NMNAT3: variants seen among roughly 807,000 people sequenced by gnomAD.
NMNAT3 encodes nicotinamide/nicotinic acid mononucleotide adenylyltransferase 3.
Under a neutral mutation model 24.8 loss-of-function variants are expected in NMNAT3, and 21 were observed. That is an observed-to-expected ratio of 0.85 (90% CI 0.60 to 1.22). The LOEUF (loss-of-function observed/expected upper bound fraction) is 1.22, where lower values mean the gene tolerates loss of function less well. NMNAT3 is among the 50% of genes most tolerant of loss of function. NMNAT3 has a pLI of 0.00. For synonymous variants in NMNAT3, 136 were observed against 155.2 expected, an observed-to-expected ratio of 0.88 and a Z score of 0.92; for missense variants, 387 against 436.6, an observed-to-expected ratio of 0.89 and a Z score of 1.01.
At chr3:139,595,837 A>T (rs2054428256) in intron 3 of NMNAT3, among the ~76,000 whole-genome samples, 1 of 152,270 alleles carries the variant, frequency 6.6e-6, no homozygotes, top group Non-Finnish European at 1.5e-5. Flanking sequence ...GTTAAACGTT[A>T]GAGCTAAAAC....
At chr3:139,591,604 C>G (rs9875067) in intron 3 of NMNAT3, among the ~76,000 whole-genome samples, 20,488 of 151,454 alleles carry the variant, frequency 0.14, 1,890 homozygotes, top group Non-Finnish European at 0.21. Context: ...GGTTCTCCCA[C>G]CACGCAGCTG....
intron 3 of NMNAT3, among the ~76,000 whole-genome samples, chr3:139,594,458 T>A (rs2054350089): frequency 6.6e-6 from 1 of 152,168 alleles, no homozygotes; most frequent in South Asian, 2.1e-4. Context: ...CCTAACTCAG[T>A]TTATGAGGCC....
chr3:139,627,853 T>C, intron 2 of NMNAT3, 89 bp from the exon 4 acceptor site: 1 of 498,018 alleles, frequency 2.0e-6, no homozygotes, highest in African/African-American at 1.9e-5. Context: ...AGACCATTAC[T>C]TCTCACTTGT....
chr3:139,657,137 T>C (rs1469845295), intron 1 of NMNAT3, among the ~76,000 whole-genome samples: 1 of 152,190 alleles, frequency 6.6e-6, no homozygotes, highest in South Asian at 2.1e-4. Context: ...TTCAAGCTCC[T>C]GTAGTGAAGG....
Position 139,655,648 on chromosome 3 carries a change from T to A in NMNAT3, c.-140-17586A>T, listed in dbSNP as rs552153602. Among the ~76,000 whole-genome samples the A allele has an allele frequency of 2.0e-5, 3 of 152,298 alleles. No homozygotes were observed. In the East Asian group the frequency reaches 5.8e-4, roughly 29 times the overall value. ...AGATGAAGAAGAAGCATTTCTAAAT[T>A]ACTAAAGTGCCCGAGCCACAGAAGG... On this transcript the variant is annotated intron_variant, in intron 1 of 6. Coordinates refer to ENST00000643695, the MANE Select transcript of NMNAT3 (RefSeq NM_001320510.2).
intron 1 of NMNAT3, among the ~76,000 whole-genome samples, chr3:139,647,487 T>C (rs9873201): frequency 0.11 from 16,221 of 152,246 alleles, 960 homozygotes; most frequent in Non-Finnish European, 0.13. Context: ...TAAATGTTAC[T>C]TTACTTGGAA....
intron 1 of NMNAT3, among the ~76,000 whole-genome samples, chr3:139,646,521 C>T (rs2056877501): frequency 6.6e-6 from 1 of 152,170 alleles, no homozygotes; most frequent in Admixed American, 6.5e-5. Flanking sequence ...GAGCCACTCC[C>T]ATTTGCCCAC....
Position 139,620,820 on chromosome 3 carries a change from G to A in NMNAT3, c.109+6796C>T, listed in dbSNP as rs150703691. ...AGAAGGTCTGTAGGGGCAGAAATAC[G>A]CATGGAGCTGTCATCTATGACATTG... is the stretch of plus-strand genomic sequence containing the variant. On this transcript the variant is annotated intron_variant, in intron 3 of 6. Coordinates refer to ENST00000643695, the MANE Select transcript of NMNAT3 (RefSeq NM_001320510.2). 1.7e-3 allele frequency among the ~76,000 whole-genome samples: 252 copies of A among 152,176 alleles called. 2 individuals are homozygous for A. Among genetic ancestry groups the A allele is most frequent in the Admixed American group, 4.3e-3 (66 of 15,286 alleles).
At chr3:139,629,633 C>A (rs937463139) in intron 2 of NMNAT3, among the ~76,000 whole-genome samples, 1 of 152,174 alleles carries the variant, frequency 6.6e-6, no homozygotes, top group Admixed American at 6.5e-5. Flanking sequence ...TGCTCAGTCA[C>A]AGGAACCTGG....
chr3:139,667,467 T>G (rs955767144), intron 1 of NMNAT3, among the ~76,000 whole-genome samples: 2 of 152,232 alleles, frequency 1.3e-5, no homozygotes, highest in African/African-American at 4.8e-5. Flanking sequence ...TGGGCTTTTT[T>G]TTGCTATTGA....
chr3:139,655,619 C>A lies in NMNAT3; in HGVS notation c.-140-17557G>T, dbSNP rs549983998. 5.8e-4 allele frequency among the ~76,000 whole-genome samples: 64 copies of A among 110,648 alleles called. No homozygotes were observed. The Middle Eastern group carries it at 0.012, about 21-fold the overall frequency. 72.6% of individuals were successfully genotyped at this position (110,648 alleles called of 152,430 possible). On this transcript the variant is annotated intron_variant, in intron 1 of 6. Transcript: ENST00000643695. ...TTTTCTATTATAATTATTTTTACTTCTCTAGATGAAGAAGAAGCATTTCTA... is the reference window on the plus strand; with the variant it reads ...TTTTCTATTATAATTATTTTTACTTATCTAGATGAAGAAGAAGCATTTCTA...
intron 3 of NMNAT3, among the ~76,000 whole-genome samples, chr3:139,587,119 CAG>C (rs906641433): frequency 7.2e-5 from 11 of 152,200 alleles, no homozygotes; most frequent in African/African-American, 2.7e-4. Flanking sequence ...ACGGCACTGA[CAG>C]AATAGAAATG....
intron 3 of NMNAT3, among the ~76,000 whole-genome samples, chr3:139,622,070 T>C (rs541969296): frequency 4.0e-4 from 61 of 152,324 alleles, no homozygotes; most frequent in Admixed American, 1.0e-3. Context: ...CTTTTATATA[T>C]TGATTTCTTT....
intron 3 of NMNAT3, among the ~76,000 whole-genome samples, chr3:139,598,980 T>C (rs2054595042): frequency 6.6e-6 from 1 of 152,110 alleles, no homozygotes; most frequent in African/African-American, 2.4e-5. Flanking sequence ...CAGGTCACTC[T>C]AAGGTGTGAT....
At chr3:139,562,469 G>C (rs1936552775) in intron 6 of NMNAT3, among the ~76,000 whole-genome samples, 1 of 152,218 alleles carries the variant, frequency 6.6e-6, no homozygotes. Flanking sequence ...CCCAGCTTCA[G>C]TAAATGGCAA....
chr3:139,614,163 T>C (rs2055370940), intron 3 of NMNAT3, among the ~76,000 whole-genome samples: 1 of 151,928 alleles, frequency 6.6e-6, no homozygotes, highest in African/African-American at 2.4e-5. Context: ...GATGCTAGAA[T>C]AGCAACTGTA....
chr3:139,664,933 A>C (rs2057529419), intron 1 of NMNAT3, among the ~76,000 whole-genome samples: 1 of 152,198 alleles, frequency 6.6e-6, no homozygotes, highest in Non-Finnish European at 1.5e-5. Flanking sequence ...AAACAATAAG[A>C]GTCTGAGATT....
chr3:139,607,027 G>A (rs1380846216), intron 3 of NMNAT3, among the ~76,000 whole-genome samples: 1 of 152,012 alleles, frequency 6.6e-6, no homozygotes, highest in Non-Finnish European at 1.5e-5. Flanking sequence ...AAGGAGCCCT[G>A]GTTTCTTTTA....
chr3:139,588,688 T>C (rs2054042979), intron 3 of NMNAT3, among the ~76,000 whole-genome samples: 1 of 152,152 alleles, frequency 6.6e-6, no homozygotes, highest in Admixed American at 6.5e-5. Flanking sequence ...TGAAGAGTCC[T>C]TGGATCCACC....
Sources: gnomAD v4.1 joint callset for allele counts (sites outside exome capture counted in the v4.1 genomes callset) on GRCh38, gnomAD v4.1.1 for gene constraint, MANE v1.5 for transcripts, NCBI Gene and HGNC (gene_info 2026-07-23, HGNC 2026-07-21) for gene names.